SLC30A7: variants seen among roughly 807,000 people sequenced by gnomAD.
SLC30A7 encodes solute carrier family 30 member 7.
A neutral mutation model predicts 46.0 loss-of-function variants in SLC30A7; 35 were observed. The observed-to-expected ratio is 0.76, with a 90% CI of 0.58 to 1.01. The LOEUF is 1.01. SLC30A7 is among the 50% of genes least tolerant of loss of function. The pLI is 0.00. For synonymous variants in SLC30A7, 147 were observed against 157.8 expected, an observed-to-expected ratio of 0.93 and a Z score of 0.51; for missense variants, 464 against 451.1, an observed-to-expected ratio of 1.03 and a Z score of -0.26.
At chr1:100,946,746 C>G (rs72734276) in intron 8 of SLC30A7, among the ~76,000 whole-genome samples, 2,747 of 152,022 alleles carry the variant, frequency 0.018, 34 homozygotes, top group Middle Eastern at 0.031. Flanking sequence ...CCAAAATTTT[C>G]TTTTTTTTGT....
downstream of SLC30A7, among the ~76,000 whole-genome samples, chr1:100,985,142 GAAAT>G: frequency 6.6e-6 from 1 of 152,182 alleles, no homozygotes; most frequent in East Asian, 1.9e-4. Context: ...AAAACAGACT[GAAAT>G]AACAACAACA....
At chr1:100,992,721 G>T in the SLC30A7 span, 1 of 1,613,102 alleles carries the variant, frequency 6.2e-7, no homozygotes. Flanking sequence ...TACCGTGGAG[G>T]TTCATAGATC....
chr1:100,947,447 T>C (rs1653162600), intron 8 of SLC30A7, among the ~76,000 whole-genome samples: 1 of 152,206 alleles, frequency 6.6e-6, no homozygotes, highest in South Asian at 2.1e-4. Context: ...TTCTTTTACA[T>C]TTGCTGAGGA....
At chr1:100,993,559 A>ATATATATATATATATATAT in the SLC30A7 span, among the ~76,000 whole-genome samples, 1 of 56,546 alleles carries the variant, frequency 1.8e-5, no homozygotes, top group Non-Finnish European at 3.4e-5. Flanking sequence ...CGAAAATATA[A>ATATATATATATATATATAT]ATATATATAT....
At chr1:100,935,221 C>T (rs1653881927) in intron 8 of SLC30A7, among the ~76,000 whole-genome samples, 1 of 152,200 alleles carries the variant, frequency 6.6e-6, no homozygotes, top group African/African-American at 2.4e-5. Flanking sequence ...TTCTTTCTGT[C>T]AGAGAAAGTC....
chr1:100,974,859 G>C lies in SLC30A7; in HGVS notation c.*2G>C. ...CAGATTGACTTTGCAGCCATGTAGT[G>C]AATGGAAAGAAATTATGCACCTTTT... On this transcript the variant is annotated 3_prime_UTR_variant, in exon 11 of 11. Transcript: ENST00000357650. 1.3e-6 allele frequency: 2 copies of C among 1,597,286 alleles called. No homozygotes were observed. Among genetic ancestry groups the C allele is most frequent in the Non-Finnish European group, 1.7e-6 (2 of 1,168,152 alleles).
chr1:100,953,454 T>G (rs1422598136), intron 8 of SLC30A7, among the ~76,000 whole-genome samples: 1 of 152,226 alleles, frequency 6.6e-6, no homozygotes, highest in Non-Finnish European at 1.5e-5. Flanking sequence ...TTCATTCAAT[T>G]TTGATAGTCT....
At position 100,978,207 on chromosome 1, in the gene SLC30A7, C is replaced by T. The variant is rs149822063; in HGVS notation, c.*3350C>T. Reference sequence around the variant, plus strand: ...CAGTGTTCCTTGTGCTGTCATTTCCCTTATATCTGGAATTTGTCAGCATTC... The same window carrying T: ...CAGTGTTCCTTGTGCTGTCATTTCCTTTATATCTGGAATTTGTCAGCATTC... On this transcript the variant is annotated 3_prime_UTR_variant, in exon 11 of 11. Transcript: ENST00000357650. 1.3e-4 allele frequency: 20 copies of T among 152,328 alleles called. No homozygotes were observed. Among genetic ancestry groups the T allele is most frequent in the African/African-American group, 4.6e-4 (19 of 41,572 alleles). The allele number at this position is 152,328 out of a possible 1,614,324, so 9.4% of individuals were successfully genotyped here. A position where few individuals can be genotyped will look rare whatever the true frequency, so the allele number is the denominator to read the frequency against.
At chr1:100,933,662 C>T (rs187655694) in intron 8 of SLC30A7, among the ~76,000 whole-genome samples, 4 of 152,164 alleles carry the variant, frequency 2.6e-5, no homozygotes, top group East Asian at 3.9e-4. Context: ...TGAGAACATG[C>T]GGTGTTTGGT....
intron 3 of SLC30A7, 35 bp from the exon 4 acceptor site, chr1:100,911,028 A>G (rs764950704): frequency 6.9e-7 from 1 of 1,444,648 alleles, no homozygotes; most frequent in East Asian, 2.3e-5. Context: ...AAGAAATAAC[A>G]TAATAATTCA....
In SLC30A7 at chr1:100,912,062, T is replaced by G. The variant is rs762782918; in HGVS notation, c.385-50T>G. ...GTTGTCTTATGATTTTGTTAGTTGA[T>G]CAATCAGAAATAATATCTATGCTAT... On this transcript the variant is annotated intron_variant, in intron 4 of 10. Transcript: ENST00000357650. 12 of 1,524,320 alleles carry G rather than the reference T, an allele frequency of 7.9e-6. No homozygotes were observed. In the South Asian group the frequency reaches 1.4e-4, roughly 18 times the overall value. 94.4% of individuals were successfully genotyped at this position (1,524,320 alleles called of 1,614,324 possible). A position where few individuals can be genotyped will look rare whatever the true frequency, so the allele number is the denominator to read the frequency against.
intron 8 of SLC30A7, among the ~76,000 whole-genome samples, chr1:100,929,846 T>C (rs999360800): frequency 1.3e-5 from 2 of 152,072 alleles, no homozygotes; most frequent in African/African-American, 4.8e-5. Context: ...AAGAGTGTGA[T>C]TTTTTATTTT....
At chr1:100,966,049 AGTGAGACCCC>A (rs1655839903) in intron 10 of SLC30A7, 131 bp downstream of exon 10, 1 of 730,484 alleles carries the variant, frequency 1.4e-6, no homozygotes, top group Admixed American at 3.0e-5. Context: ...TGGGCAACAT[AGTGAGACCCC>A]GTCTCTACAA....
chr1:100,977,879 G>C lies in SLC30A7; in HGVS notation c.*3022G>C, dbSNP rs1455507582. The C allele has an allele frequency of 6.6e-6, 1 of 152,136 alleles. No homozygotes were observed. The highest frequency in any genetic ancestry group is 1.5e-5 in the Non-Finnish European group (1 of 68,076). The allele number at this position is 152,136 out of a possible 1,614,324, so 9.4% of individuals were successfully genotyped here. On this transcript the variant is annotated 3_prime_UTR_variant, in exon 11 of 11. Coordinates refer to ENST00000357650, the MANE Select transcript of SLC30A7 (RefSeq NM_133496.5). The stretch of plus-strand genomic sequence containing the variant: ...AGTGATTCTCCTGTCTCAGCTCCCT[G>C]AGTAACTGGAATTACAGGTGCACGC...
the SLC30A7 span, chr1:100,990,537 C>G: frequency 2.5e-6 from 4 of 1,614,108 alleles, no homozygotes; most frequent in East Asian, 8.9e-5. Context: ...CTCCCAAGTC[C>G]ACAGTGCACA....
At position 100,960,319 on chromosome 1, in the gene SLC30A7, T is replaced by A. The variant is rs541282629; in HGVS notation, c.843-1509T>A. ...TTCTTATCACTATGCACTTAAAGTATGAAAACAGTCTCCTCATTTCTTTCC... is the reference window on the plus strand; with the variant it reads ...TTCTTATCACTATGCACTTAAAGTAAGAAAACAGTCTCCTCATTTCTTTCC... On this transcript the variant is annotated intron_variant, in intron 8 of 10. Coordinates refer to ENST00000357650, the MANE Select transcript of SLC30A7 (RefSeq NM_133496.5). 2.0e-5 allele frequency among the ~76,000 whole-genome samples: 3 copies of A among 152,326 alleles called. No homozygotes were observed. In the South Asian group the frequency reaches 6.2e-4, roughly 32 times the overall value.
At chr1:100,905,750 T>C (rs898655842) in intron 2 of SLC30A7, among the ~76,000 whole-genome samples, 3 of 152,206 alleles carry the variant, frequency 2.0e-5, no homozygotes, top group Admixed American at 2.0e-4. Flanking sequence ...CATTATATTC[T>C]TTTATAGTTT....
chr1:100,920,538 T>C (rs942844654), intron 7 of SLC30A7, among the ~76,000 whole-genome samples: 2 of 151,994 alleles, frequency 1.3e-5, no homozygotes, highest in African/African-American at 4.8e-5. Context: ...CGAAAAGTTA[T>C]ATGTAGGTAG....
Position 100,980,513 on chromosome 1 carries a change from T to C in SLC30A7, c.*5656T>C, listed in dbSNP as rs1423776161. On this transcript the variant is annotated 3_prime_UTR_variant, in exon 11 of 11. Transcript: ENST00000357650. ...AGCATGGATTCACATGCTGAGTAAA[T>C]GTTTGGTTAACTAGTGAACATTTTA... 1.3e-5 allele frequency: 2 copies of C among 152,110 alleles called. No individual in the cohort carries two copies. Among genetic ancestry groups the C allele is most frequent in the Non-Finnish European group, 2.9e-5 (2 of 67,952 alleles). 9.4% of individuals were successfully genotyped at this position (152,110 alleles called of 1,614,324 possible).
Sources: gnomAD v4.1 joint callset for allele counts (sites outside exome capture counted in the v4.1 genomes callset) on GRCh38, gnomAD v4.1.1 for gene constraint, MANE v1.5 for transcripts, NCBI Gene and HGNC (gene_info 2026-07-23, HGNC 2026-07-21) for gene names.